PVT1: variants seen among roughly 807,000 people sequenced by gnomAD.
PVT1 encodes Pvt1 oncogene.
At chr8:127,811,716 G>A (rs933716073) in intron 2 of PVT1, among the ~76,000 whole-genome samples, 7 of 151,642 alleles carry the variant, frequency 4.6e-5, no homozygotes, top group East Asian at 1.9e-4. Context: ...TTCTCTCTCC[G>A]TCCCCTCAAC....
intron 3 of PVT1, among the ~76,000 whole-genome samples, chr8:127,974,970 A>ATTTT (rs1816806414): frequency 6.6e-6 from 1 of 152,036 alleles, no homozygotes. Flanking sequence ...TACCCTAAAT[A>ATTTT]TTTTTTCATT....
At chr8:128,036,597 T>C (rs1205615630) in intron 4 of PVT1, among the ~76,000 whole-genome samples, 1 of 152,028 alleles carries the variant, frequency 6.6e-6, no homozygotes, top group Non-Finnish European at 1.5e-5. Context: ...TAGTGGCTAT[T>C]CTGAAACAGT....
chr8:128,093,218 G>T (rs1325177579), intron 5 of PVT1, among the ~76,000 whole-genome samples: 1 of 152,172 alleles, frequency 6.6e-6, no homozygotes, highest in Non-Finnish European at 1.5e-5. Context: ...TTTCTCATCA[G>T]TAAAATGGGG....
chr8:127,927,791 G>T (rs1466634622), intron 3 of PVT1, among the ~76,000 whole-genome samples: 1 of 152,222 alleles, frequency 6.6e-6, no homozygotes, highest in African/African-American at 2.4e-5. Context: ...CAGGTGCTCT[G>T]TCAGCAGTGA....
At chr8:128,081,727 A>C (rs1171036404) in intron 5 of PVT1, among the ~76,000 whole-genome samples, 1 of 152,218 alleles carries the variant, frequency 6.6e-6, no homozygotes, top group Non-Finnish European at 1.5e-5. Context: ...TGTCCACTAC[A>C]CACTGAATAC....
Position 127,897,479 on chromosome 8 carries a change from A to C in PVT1, n.782+6481A>C, listed in dbSNP as rs149148399. On this transcript the variant is annotated intron_variant and non_coding_transcript_variant, in intron 3 of 10. Coordinates refer to ENST00000651587, the Ensembl canonical transcript of PVT1. The stretch of plus-strand genomic sequence containing the variant: ...TGAAGAAAGAAAGTAAGAAAGAAAG[A>C]GAGAAAGAGAGAAAGAAAGGAAGGA... 3.2e-4 allele frequency among the ~76,000 whole-genome samples: 48 copies of C among 151,310 alleles called. No individual in the cohort carries two copies. In the East Asian group the frequency reaches 8.7e-3, roughly 27 times the overall value.
At chr8:127,974,372 G>C (rs1816799522) in intron 3 of PVT1, among the ~76,000 whole-genome samples, 2 of 151,926 alleles carry the variant, frequency 1.3e-5, no homozygotes, top group African/African-American at 2.4e-5. Context: ...CATTATTGAA[G>C]TTTTCCCAAA....
At chr8:127,821,357 T>C (rs1200871946) in intron 2 of PVT1, among the ~76,000 whole-genome samples, 2 of 152,310 alleles carry the variant, frequency 1.3e-5, no homozygotes, top group East Asian at 1.9e-4. Context: ...CAATGGATTA[T>C]AAGACTCAGT....
At chr8:127,808,955 G>A (rs1277588816) in intron 2 of PVT1, among the ~76,000 whole-genome samples, 8 of 147,614 alleles carry the variant, frequency 5.4e-5, no homozygotes, top group East Asian at 2.0e-4. Context: ...GCTTGAACCC[G>A]GGAGGCGGAG....
intron 2 of PVT1, among the ~76,000 whole-genome samples, chr8:127,858,519 C>A (rs1281190975): frequency 6.6e-6 from 1 of 151,956 alleles, no homozygotes; most frequent in Non-Finnish European, 1.5e-5. Context: ...GATATGGAGA[C>A]AAGTTTTAAC....
intron 3 of PVT1, among the ~76,000 whole-genome samples, chr8:127,973,644 A>G (rs1816788474): frequency 6.6e-6 from 1 of 151,092 alleles, no homozygotes. Flanking sequence ...CATTACTTCT[A>G]GTGCCAGTGT....
chr8:127,928,764 G>T (rs114065866), intron 3 of PVT1, among the ~76,000 whole-genome samples: 1 of 152,186 alleles, frequency 6.6e-6, no homozygotes, highest in African/African-American at 2.4e-5. Context: ...GTCCTGCTGC[G>T]GTGGCTGCAG....
intron 5 of PVT1, among the ~76,000 whole-genome samples, chr8:128,073,802 C>A (rs73710134): frequency 2.2e-5 from 3 of 138,126 alleles, no homozygotes; most frequent in Non-Finnish European, 3.2e-5. Context: ...ATTTTTTTTT[C>A]TTTTTTTTTT....
intron 4 of PVT1, among the ~76,000 whole-genome samples, chr8:128,030,122 A>G (rs1813371717): frequency 6.6e-6 from 1 of 152,154 alleles, no homozygotes; most frequent in African/African-American, 2.4e-5. Context: ...TAAGAAAAAG[A>G]AAAATTAAAA....
chr8:128,032,968 A>T (rs1166988320), intron 4 of PVT1, among the ~76,000 whole-genome samples: 1 of 152,160 alleles, frequency 6.6e-6, no homozygotes, highest in Non-Finnish European at 1.5e-5. Context: ...GGCACTGCAG[A>T]GGTGCATGGT....
intron 2 of PVT1, among the ~76,000 whole-genome samples, chr8:127,836,189 T>C (rs1328091321): frequency 6.6e-6 from 1 of 152,200 alleles, no homozygotes; most frequent in Admixed American, 6.5e-5. Context: ...ATTTGGCTCT[T>C]TGATTTTGGT....
intron 3 of PVT1, among the ~76,000 whole-genome samples, chr8:127,909,009 C>T (rs1012186644): frequency 3.9e-5 from 6 of 152,188 alleles, no homozygotes; most frequent in South Asian, 2.1e-4. Flanking sequence ...AGACGCTGCC[C>T]GTTTTTTCCC....
chr8:127,952,680 C>G (rs115264135), intron 3 of PVT1, among the ~76,000 whole-genome samples: 2 of 152,152 alleles, frequency 1.3e-5, no homozygotes, highest in Admixed American at 1.3e-4. Flanking sequence ...CCTCATTTTC[C>G]GATGAGGCAA....
intron 5 of PVT1, among the ~76,000 whole-genome samples, chr8:128,087,488 T>G (rs867916153): frequency 6.6e-6 from 1 of 152,234 alleles, no homozygotes; most frequent in African/African-American, 2.4e-5. Flanking sequence ...CAGGCTGTTA[T>G]GCGTGGCAGA....
Sources: allele counts gnomAD v4.1 joint callset (sites outside exome capture counted in the v4.1 genomes callset), GRCh38; gene constraint gnomAD v4.1.1; transcripts MANE v1.5; gene names NCBI Gene and HGNC (gene_info 2026-07-23, HGNC 2026-07-21).